The following SRGAP3 variants were observed in gnomAD, a reference collection of about 807,000 sequenced individuals.
The protein encoded by SRGAP3 is SLIT-ROBO Rho GTPase activating protein 3, also known as SLIT-ROBO Rho GTPase-activating protein 3.
A neutral mutation model predicts 121.1 loss-of-function variants in SRGAP3; 39 were observed. The ratio of observed to expected loss-of-function variants is 0.32; its 90% CI spans 0.25 to 0.42. SRGAP3 has a LOEUF of 0.42. Among genes scored for constraint, SRGAP3 ranks in the 10% least tolerant of loss-of-function variants. The pLI is 1.00. For missense variants in SRGAP3, 1,213 were observed against 1,470.6 expected, an observed-to-expected ratio of 0.82 and a Z score of 2.86; for synonymous variants, 601 against 570.0, an observed-to-expected ratio of 1.05 and a Z score of -0.77.
intron 12 of SRGAP3, among the ~76,000 whole-genome samples, chr3:9,030,968 T>C (rs1209416042): frequency 6.6e-6 from 1 of 152,214 alleles, no homozygotes; most frequent in East Asian, 1.9e-4. Context: ...TTGTTGTTTA[T>C]TTTTGAGACA....
At chr3:9,172,929 C>A (rs1221616444) in intron 1 of SRGAP3, among the ~76,000 whole-genome samples, 1 of 152,188 alleles carries the variant, frequency 6.6e-6, no homozygotes, top group Non-Finnish European at 1.5e-5. Flanking sequence ...CACAGGGACG[C>A]CGCAGGCAGG....
In SRGAP3 at chr3:8,991,193, C is replaced by A. The variant is rs570697048; in HGVS notation, c.2559-354G>T. Among the ~76,000 whole-genome samples the A allele has an allele frequency of 1.3e-4, 20 of 152,254 alleles. 1 individual carries two copies. The South Asian group carries it at 3.9e-3, about 30-fold the overall frequency. ...GTGATGGTTAGTTGGGCTCATGATA[C>A]CCTCTGAAGCAGTTCAGACTTTTCC... On this transcript the variant is annotated intron_variant, in intron 20 of 21. Coordinates refer to ENST00000383836, the MANE Select transcript of SRGAP3 (RefSeq NM_014850.4).
chr3:9,286,757 C>T (rs1180849254), intron 3 of SRGAP3, among the ~76,000 whole-genome samples: 3 of 149,818 alleles, frequency 2.0e-5, no homozygotes, highest in Non-Finnish European at 3.0e-5. Flanking sequence ...CGCCCGCCAC[C>T]ACACCCGGCT....
intron 1 of SRGAP3, among the ~76,000 whole-genome samples, chr3:9,232,916 A>G (rs1287759760): frequency 6.6e-6 from 1 of 152,130 alleles, no homozygotes; most frequent in African/African-American, 2.4e-5. Flanking sequence ...ACTTACTAGT[A>G]TTTTCTTTTC....
chr3:9,272,158 C>T (rs558412337), intron 3 of SRGAP3, among the ~76,000 whole-genome samples: 105 of 152,332 alleles, frequency 6.9e-4, no homozygotes, highest in Non-Finnish European at 1.0e-3. Context: ...TTGCACCATC[C>T]CTTCGTAGTA....
chr3:9,262,307 C>T (rs9755970), intron 3 of SRGAP3, among the ~76,000 whole-genome samples: 1,745 of 151,840 alleles, frequency 0.011, 35 homozygotes, highest in African/African-American at 0.04. Context: ...TCAACTAATA[C>T]GCAAAATAAC....
rs201670228 is a variant in SRGAP3, at chr3:9,052,463, T to C, written c.1323+564A>G. Among the ~76,000 whole-genome samples the C allele has an allele frequency of 9.8e-5, 15 of 152,306 alleles. No individual in the cohort carries two copies. In the East Asian group the frequency reaches 1.7e-3, roughly 18 times the overall value. ...CTGACTCAAGCATCCCATGGAAGAT[T>C]TAAGGTCCCTTACAAACCTAATATT... On this transcript the variant is annotated intron_variant, in intron 9 of 21. Transcript: ENST00000383836.
At chr3:9,318,198 C>T (rs1470096928) in intron 3 of SRGAP3, among the ~76,000 whole-genome samples, 1 of 149,416 alleles carries the variant, frequency 6.7e-6, no homozygotes, top group Non-Finnish European at 1.5e-5. Context: ...AATTGTCAGA[C>T]AATTTCATCA....
chr3:9,034,454 G>A (rs1944651747), intron 11 of SRGAP3: 1 of 152,224 alleles, frequency 6.6e-6, no homozygotes, highest in Admixed American at 6.5e-5. Flanking sequence ...TGGGCTTGTG[G>A]TACCTGTCTC....
intron 1 of SRGAP3, among the ~76,000 whole-genome samples, chr3:9,210,793 G>A (rs900242456): frequency 6.6e-6 from 1 of 152,178 alleles, no homozygotes; most frequent in Non-Finnish European, 1.5e-5. Context: ...TGGAGCCACT[G>A]CACTCCAGCC....
chr3:9,058,141 C>T, intron 7 of SRGAP3, 110 bp downstream of exon 7: 3 of 1,198,000 alleles, frequency 2.5e-6, no homozygotes. Context: ...GAGCTTGACC[C>T]CAGGCGTCGG....
chr3:9,114,789 G>T (rs77339215), intron 2 of SRGAP3, among the ~76,000 whole-genome samples: 3,630 of 152,294 alleles, frequency 0.024, 143 homozygotes, highest in African/African-American at 0.083. Context: ...CAGAGGAAAA[G>T]ACCCCGATCC....
In SRGAP3 at chr3:8,983,122, C is replaced by T. The variant is rs1039150355; in HGVS notation, c.*2397G>A. On this transcript the variant is annotated 3_prime_UTR_variant, in exon 22 of 22. Transcript: ENST00000383836. ...AGGGTAGAAATCAGAAGTCTTGTGT[C>T]CTGGCTGGACAGTATAGCATCCAGC... is the stretch of plus-strand genomic sequence containing the variant. 4.4e-6 allele frequency: 1 copy of T among 227,372 alleles called. No individual in the cohort carries two copies. Among genetic ancestry groups the T allele is most frequent in the African/African-American group, 2.2e-5 (1 of 45,072 alleles). The allele number at this position is 227,372 out of a possible 1,614,324, so 14.1% of individuals were successfully genotyped here.
chr3:9,110,796 G>A (rs1948595322), intron 2 of SRGAP3, among the ~76,000 whole-genome samples: 1 of 152,380 alleles, frequency 6.6e-6, no homozygotes, highest in South Asian at 2.1e-4. Context: ...CTGCTCTGTA[G>A]AAAGCTAGCA....
chr3:9,176,166 C>T (rs1235258003), intron 1 of SRGAP3, among the ~76,000 whole-genome samples: 3 of 152,154 alleles, frequency 2.0e-5, no homozygotes, highest in East Asian at 1.9e-4. Context: ...ATAATCCACC[C>T]GCCTCGGCCT....
At chr3:9,062,752 C>T (rs2669996) in intron 5 of SRGAP3, among the ~76,000 whole-genome samples, 15,723 of 152,272 alleles carry the variant, frequency 0.1, 1,096 homozygotes, top group East Asian at 0.15. Context: ...GGATATACCA[C>T]ATTTTATTCA....
chr3:9,222,780 T>A (rs1952857082), intron 1 of SRGAP3, among the ~76,000 whole-genome samples: 1 of 152,252 alleles, frequency 6.6e-6, no homozygotes, highest in East Asian at 1.9e-4. Flanking sequence ...CATATCACTG[T>A]GATTCTACAT....
At chr3:9,026,798 T>G in intron 13 of SRGAP3, 137 bp downstream of exon 13, 1 of 917,626 alleles carries the variant, frequency 1.1e-6, no homozygotes, top group Non-Finnish European at 1.8e-6. Context: ...GCAGCTGCTG[T>G]GTGCAGTACT....
chr3:9,240,237 T>A (rs935481775), intron 1 of SRGAP3, among the ~76,000 whole-genome samples: 1 of 152,288 alleles, frequency 6.6e-6, no homozygotes, highest in Middle Eastern at 3.4e-3. Flanking sequence ...AGAGTTAAAG[T>A]GCCATTATTT....
Sources: allele counts gnomAD v4.1 joint callset (sites outside exome capture counted in the v4.1 genomes callset), GRCh38; gene constraint gnomAD v4.1.1; transcripts MANE v1.5; gene names NCBI Gene and HGNC (gene_info 2026-07-23, HGNC 2026-07-21).